Variants in TRIM9 observed in about 807,000 individuals in gnomAD.
TRIM9 encodes E3 ubiquitin-protein ligase TRIM9.
In TRIM9, 26 loss-of-function variants were observed where a neutral mutation model predicts 78.3. The ratio of observed to expected loss-of-function variants is 0.33; its 90% CI spans 0.24 to 0.46. The LOEUF is 0.46. Ranked by LOEUF, TRIM9 falls within the 20% of genes least tolerant of loss-of-function variation. The pLI is 1.00. For synonymous variants in TRIM9, 398 were observed against 416.5 expected (o/e 0.96, Z 0.54); for missense variants, 787 against 1,036.4 (o/e 0.76, Z 3.30).
chr14:51,055,129 T>C (rs2060800653), intron 1 of TRIM9, among the ~76,000 whole-genome samples: 1 of 152,230 alleles, frequency 6.6e-6, no homozygotes, highest in South Asian at 2.1e-4. Context: ...GCCCTTATAC[T>C]CATTTTTATA....
At chr14:51,065,509 TGAAAA>T (rs2061661205) in intron 1 of TRIM9, among the ~76,000 whole-genome samples, 1 of 152,204 alleles carries the variant, frequency 6.6e-6, no homozygotes, top group Non-Finnish European at 1.5e-5. Flanking sequence ...GGTTCATTTC[TGAAAA>T]GGGACAGGGA....
chr14:51,009,979 C>T (rs2056367014), intron 4 of TRIM9, among the ~76,000 whole-genome samples: 4 of 152,144 alleles, frequency 2.6e-5, no homozygotes. Flanking sequence ...AGGTAGACAT[C>T]TTACAAACTT....
intron 1 of TRIM9, among the ~76,000 whole-genome samples, chr14:51,085,868 T>C (rs8010881): frequency 0.35 from 53,572 of 152,006 alleles, 9,792 homozygotes; most frequent in Admixed American, 0.42. Context: ...AATCTTACTG[T>C]CTATTTGTTA....
chr14:51,027,425 T>C (rs567391982), intron 1 of TRIM9, among the ~76,000 whole-genome samples: 46 of 152,284 alleles, frequency 3.0e-4, no homozygotes, highest in Non-Finnish European at 5.1e-4. Context: ...ATTACAGGTG[T>C]GAGCCACCGT....
intron 1 of TRIM9, among the ~76,000 whole-genome samples, chr14:51,050,542 C>G (rs375809310): frequency 1.8e-3 from 268 of 152,234 alleles, no homozygotes; most frequent in African/African-American, 5.5e-3. Flanking sequence ...AGCATGGGAA[C>G]AGACTAATAC....
chr14:51,011,509 G>A (rs1596166645), intron 3 of TRIM9, among the ~76,000 whole-genome samples: 2 of 152,260 alleles, frequency 1.3e-5, no homozygotes, highest in South Asian at 2.1e-4. Flanking sequence ...TAAAATTGAA[G>A]AAGGGTTTTC....
At position 51,033,469 on chromosome 14, in the gene TRIM9, T is replaced by C. The variant is rs114753171; in HGVS notation, c.823-8109A>G. 2.2e-3 allele frequency among the ~76,000 whole-genome samples: 330 copies of C among 152,362 alleles called. 1 individual carries two copies. The highest frequency in any genetic ancestry group is 7.6e-3 in the African/African-American group (316 of 41,590). The stretch of plus-strand genomic sequence containing the variant: ...AAAACACTTTTGTCATACCATGTCT[T>C]GACTGAGGGTTTGGTCAATTACAAT... On this transcript the variant is annotated intron_variant, in intron 1 of 12. Coordinates refer to ENST00000684578, the MANE Select transcript of TRIM9 (RefSeq NM_001387360.1).
chr14:50,982,617 C>T (rs778245459), intron 10 of TRIM9: 41 of 366,774 alleles, frequency 1.1e-4, no homozygotes, highest in Non-Finnish European at 1.8e-4. Flanking sequence ...TCACAAGCTG[C>T]GAAGCTATAA....
intron 1 of TRIM9, among the ~76,000 whole-genome samples, chr14:51,055,715 C>T (rs920214194): frequency 1.3e-5 from 2 of 152,178 alleles, no homozygotes; most frequent in African/African-American, 4.8e-5. Context: ...CCCAGCAAGA[C>T]CCATGTCAGA....
At chr14:50,989,055 G>C (rs568183202) in intron 7 of TRIM9, among the ~76,000 whole-genome samples, 1 of 152,146 alleles carries the variant, frequency 6.6e-6, no homozygotes, top group Non-Finnish European at 1.5e-5. Context: ...GGGCCACATG[G>C]AACAGATCAC....
Position 51,022,701 on chromosome 14 carries a change from C to G in TRIM9, c.1041+134G>C, listed in dbSNP as rs913308854. The G allele has an allele frequency of 5.0e-6, 7 of 1,389,966 alleles. No homozygotes were observed. The Admixed American group carries it at 6.8e-5, about 14-fold the overall frequency. The allele number at this position is 1,389,966 out of a possible 1,614,324, so 86.1% of individuals were successfully genotyped here. A position where few individuals can be genotyped will look rare whatever the true frequency, so the allele number is the denominator to read the frequency against. ...AGGGAGGTGTCTGTTCCTTTCTGGC[C>G]AGACCACTGGCTACCCAAGGCTGTG... On this transcript the variant is annotated intron_variant, in intron 3 of 12. Transcript: ENST00000684578.
intron 1 of TRIM9, among the ~76,000 whole-genome samples, chr14:51,046,826 T>C (rs1237532164): frequency 6.6e-6 from 1 of 152,234 alleles, no homozygotes; most frequent in East Asian, 1.9e-4. Flanking sequence ...CATGGAGCTG[T>C]GAGGATTAAC....
rs1334012845 is a variant in TRIM9, at chr14:50,979,287, G to A, written c.2325+100C>T. On this transcript the variant is annotated intron_variant, in intron 12 of 12. Coordinates refer to ENST00000684578, the MANE Select transcript of TRIM9 (RefSeq NM_001387360.1). ...CTTCATATCTTGGTCTGGGCCTTAC[G>A]CTGTCAGCTTCCCTCTCTTCGGTTG... is the stretch of plus-strand genomic sequence containing the variant. 7 of 1,600,052 alleles carry A rather than the reference G, an allele frequency of 4.4e-6. No homozygotes were observed. The East Asian group carries it at 6.7e-5, about 15-fold the overall frequency.
chr14:51,025,421 C>T (rs1435417614), intron 1 of TRIM9, 61 bp from the exon 2 acceptor site: 37 of 114,314 alleles, frequency 3.2e-4, no homozygotes, highest in South Asian at 7.7e-4. Flanking sequence ...ACAAGGCCAG[C>T]GAGACTCAAA....
intron 3 of TRIM9, among the ~76,000 whole-genome samples, chr14:51,018,140 T>G (rs1453795718): frequency 6.6e-6 from 1 of 152,158 alleles, no homozygotes; most frequent in Non-Finnish European, 1.5e-5. Flanking sequence ...AATAACTGAG[T>G]TCTTTGTCAT....
At chr14:51,035,760 G>C (rs2059091206) in intron 1 of TRIM9, among the ~76,000 whole-genome samples, 1 of 152,196 alleles carries the variant, frequency 6.6e-6, no homozygotes, top group South Asian at 2.1e-4. Flanking sequence ...GCAAAAAGGA[G>C]ATCTATTCTG....
intron 1 of TRIM9, among the ~76,000 whole-genome samples, chr14:51,065,894 CAA>C (rs1415037382): frequency 1.3e-5 from 2 of 151,860 alleles, no homozygotes; most frequent in Admixed American, 6.6e-5. Flanking sequence ...TGAAATGATT[CAA>C]AGAGTTTGTT....
chr14:51,051,305 T>C (rs1055499560), intron 1 of TRIM9, among the ~76,000 whole-genome samples: 6 of 152,206 alleles, frequency 3.9e-5, no homozygotes, highest in African/African-American at 1.2e-4. Flanking sequence ...AAGACACAGA[T>C]TGAAAAGAGA....
At chr14:51,049,831 A>T (rs562591041) in intron 1 of TRIM9, among the ~76,000 whole-genome samples, 356 of 151,804 alleles carry the variant, frequency 2.3e-3, no homozygotes, top group African/African-American at 3.3e-3. Context: ...TCTCAAAAAA[A>T]AAAATAAAAT....
Sources: allele counts gnomAD v4.1 joint callset (sites outside exome capture counted in the v4.1 genomes callset), GRCh38; gene constraint gnomAD v4.1.1; transcripts MANE v1.5; gene names NCBI Gene and HGNC (gene_info 2026-07-23, HGNC 2026-07-21).